Variants in MACF1 observed in about 807,000 individuals in gnomAD.
MACF1 encodes microtubule actin crosslinking factor 1, also known as microtubule-actin cross-linking factor 1.
MACF1 carries 193 observed loss-of-function variants against 854.8 expected under a neutral mutation model. The ratio of observed to expected loss-of-function variants is 0.23; its 90% confidence interval spans 0.20 to 0.25. MACF1 has a LOEUF of 0.25. Ranked by LOEUF, MACF1 falls within the 10% of genes least tolerant of loss-of-function variation. The pLI is 1.00. For missense variants in MACF1, 7,722 were observed against 8,929.1 expected (o/e 0.86, Z 5.45); for synonymous variants, 3,185 against 3,226.7 (o/e 0.99, Z 0.44).
chr1:39,155,041 A>G (rs1643655807), intron 2 of MACF1, among the ~76,000 whole-genome samples: 1 of 152,134 alleles, frequency 6.6e-6, no homozygotes. Context: ...GACCCATTGG[A>G]GGATAAAAGA....
rs1644514879 is a variant in MACF1 at position 39,459,733 on chromosome 1, G to A, written c.21360+484G>A. On this transcript the variant is annotated intron_variant, in intron 91 of 100. Coordinates refer to ENST00000564288, the MANE Select transcript of MACF1 (RefSeq NM_001394062.1). ...CTCTATTTTGAAGTGTCATTACCCAGTATAAAAAATATAGTACTATGCTTC... is the reference window on the plus strand; with the variant it reads ...CTCTATTTTGAAGTGTCATTACCCAATATAAAAAATATAGTACTATGCTTC... 3 of 869,114 alleles carry A rather than the reference G, an allele frequency of 3.5e-6. No individual in the cohort carries two copies. The Admixed American group carries it at 9.1e-5, about 26-fold the overall frequency. The allele number at this position is 869,114 out of a possible 1,614,324, so 53.8% of individuals were successfully genotyped here. A position where few individuals can be genotyped will look rare whatever the true frequency, so the allele number is the denominator to read the frequency against.
In MACF1 at chr1:39,409,101, C is replaced by T. The variant is rs1167159396; in HGVS notation, c.15817-13273C>T. ...CACTTCCAGCGAGCTAGCGAGCTAGCGGGTCGCGCTGCGCGGGGGAGGAGG... is the reference window on the plus strand; with the variant it reads ...CACTTCCAGCGAGCTAGCGAGCTAGTGGGTCGCGCTGCGCGGGGGAGGAGG... On this transcript the variant is annotated intron_variant, in intron 58 of 100. Coordinates refer to ENST00000564288, the MANE Select transcript of MACF1 (RefSeq NM_001394062.1). The surrounding 1 kb of genome is among the most constrained non-coding windows in gnomAD (Gnocchi z 4.2). 6.6e-6 allele frequency among the ~76,000 whole-genome samples: 1 copy of T among 151,870 alleles called. No individual in the cohort carries two copies. Among genetic ancestry groups the T allele is most frequent in the Non-Finnish European group, 1.5e-5 (1 of 67,920 alleles).
In MACF1 at chr1:39,293,633, A is replaced by C. The variant is rs1427493720; in HGVS notation, c.2154+14A>C. 6.2e-7 allele frequency: 1 copy of C among 1,605,580 alleles called. No individual in the cohort carries two copies. The highest frequency in any genetic ancestry group is 8.5e-7 in the Non-Finnish European group (1 of 1,175,042). ...AATTACTTCTCTGTGAGTCTAGCACAGTAGCAGGCCTGTCATACTTATTTA... is the reference window on the plus strand; with the variant it reads ...AATTACTTCTCTGTGAGTCTAGCACCGTAGCAGGCCTGTCATACTTATTTA... On this transcript the variant is annotated intron_variant, in intron 18 of 100. Coordinates refer to ENST00000564288, the MANE Select transcript of MACF1 (RefSeq NM_001394062.1).
chr1:39,114,830 C>T (rs1642506029), intron 2 of MACF1, among the ~76,000 whole-genome samples: 1 of 151,906 alleles, frequency 6.6e-6, no homozygotes, highest in Non-Finnish European at 1.5e-5. Context: ...CCCAGTATAG[C>T]CAGAGTGAGA....
At chr1:39,430,670 G>C in intron 65 of MACF1, 32 bp from the exon 66 acceptor site, 1 of 1,569,690 alleles carries the variant, frequency 6.4e-7, no homozygotes, top group South Asian at 1.1e-5. Context: ...TATTTAGCAA[G>C]GTATGGCCTG....
chr1:39,158,966 G>A (rs1287142829), intron 2 of MACF1, among the ~76,000 whole-genome samples: 1 of 152,086 alleles, frequency 6.6e-6, no homozygotes, highest in Non-Finnish European at 1.5e-5. Flanking sequence ...AACTGGGCCG[G>A]GCATGAACGC....
chr1:39,109,569 C>T (rs1333401590), intron 2 of MACF1, among the ~76,000 whole-genome samples: 3 of 152,022 alleles, frequency 2.0e-5, no homozygotes, highest in Non-Finnish European at 4.4e-5. Context: ...GCCATTGCAC[C>T]TGGCCTATTT....
chr1:39,123,130 G>A (rs1419839141), intron 2 of MACF1, among the ~76,000 whole-genome samples: 2 of 151,704 alleles, frequency 1.3e-5, no homozygotes, highest in African/African-American at 2.4e-5. Context: ...AAGCAGAATA[G>A]CATAACTTGG....
rs201933963 is a variant in MACF1, at chr1:39,454,887, T to C, written c.20887-22T>C. ...GGGTATGCTTGACTGAAAGAGGCCATGGTTTCCTTCTTTTTCCACAGGTCC... is the reference window on the plus strand; with the variant it reads ...GGGTATGCTTGACTGAAAGAGGCCACGGTTTCCTTCTTTTTCCACAGGTCC... On this transcript the variant is annotated intron_variant, in intron 88 of 100. Transcript: ENST00000564288. 22 of 1,598,848 alleles carry C rather than the reference T, an allele frequency of 1.4e-5. No homozygotes were observed. In the East Asian group the frequency reaches 4.0e-4, roughly 29 times the overall value.
At chr1:39,266,253 A>G (rs923544893) in intron 6 of MACF1, among the ~76,000 whole-genome samples, 13 of 152,366 alleles carry the variant, frequency 8.5e-5, no homozygotes, top group African/African-American at 2.9e-4. Flanking sequence ...ATAAAATTCA[A>G]GTGCATCTTA....
chr1:39,227,144 G>A (rs1330809676), intron 1 of MACF1, among the ~76,000 whole-genome samples: 2 of 152,160 alleles, frequency 1.3e-5, no homozygotes, highest in Non-Finnish European at 2.9e-5. Flanking sequence ...AAACTCCCAG[G>A]CTCAAGTGAT....
chr1:39,309,721 G>C, intron 24 of MACF1, 25 bp downstream of exon 24: 1 of 1,595,686 alleles, frequency 6.3e-7, no homozygotes, highest in Non-Finnish European at 8.5e-7. Context: ...CTTACCCCAG[G>C]CTTACATTCC....
chr1:39,182,881 T>A (rs921132741), intron 2 of MACF1, among the ~76,000 whole-genome samples: 2 of 152,174 alleles, frequency 1.3e-5, no homozygotes, highest in African/African-American at 4.8e-5. Flanking sequence ...AGAAAACATA[T>A]ATTCATAGAA....
intron 23 of MACF1, among the ~76,000 whole-genome samples, chr1:39,303,937 G>A (rs1023084684): frequency 4.6e-5 from 7 of 150,678 alleles, no homozygotes; most frequent in African/African-American, 1.7e-4. Context: ...TATTATAAAA[G>A]AGATATGGAA....
chr1:39,445,622 AT>A (rs1644211835), intron 80 of MACF1, among the ~76,000 whole-genome samples: 1 of 152,224 alleles, frequency 6.6e-6, no homozygotes, highest in Non-Finnish European at 1.5e-5. Context: ...GGATTGGGTA[AT>A]TTGATTATAT....
intron 93 of MACF1, among the ~76,000 whole-genome samples, chr1:39,463,173 A>G (rs1644587435): frequency 2.6e-5 from 4 of 152,212 alleles, no homozygotes; most frequent in Admixed American, 2.6e-4. Flanking sequence ...TGTATATGTC[A>G]AAAGCCTGAA....
At chr1:39,296,776 G>GGAAGGAAGGAAGGAAGGAAGGAAGGA (rs1294687903) in intron 20 of MACF1, among the ~76,000 whole-genome samples, 1 of 81,374 alleles carries the variant, frequency 1.2e-5, no homozygotes, top group African/African-American at 5.6e-5. Flanking sequence ...GGAAGGAAAA[G>GGAAGGAAGGAAGGAAGGAAGGAAGGA]AAAGAAAGAA....
At position 39,350,938 on chromosome 1, in the gene MACF1, G is replaced by T. The variant is rs201477943; in HGVS notation, c.11119G>T (p.Ala3707Ser). The T allele has an allele frequency of 3.7e-4, 595 of 1,614,020 alleles. No homozygotes were observed. The highest frequency in any genetic ancestry group is 4.8e-4 in the Non-Finnish European group (571 of 1,180,000). Residue 3707 changes from alanine (A) to serine (S), a missense_variant, in exon 43 of 101, where the codon GCG becomes TCG. Around this residue, in one of 15 missense-constraint regions of MACF1, gnomAD observed 2,807 missense variants for 3,235.8 expected, o/e 0.87. Transcript: ENST00000564288. Reference sequence around the variant, plus strand: ...TCATCAGGCTAAGGAGCAATATGAGGCGCTCCAGGAAGAGACACGTGTGGC... The same window carrying T: ...TCATCAGGCTAAGGAGCAATATGAGTCGCTCCAGGAAGAGACACGTGTGGC... The part of the protein sequence containing the change: ...KLHQAKEQYE[A>S]LQEETRVAQK...
chr1:39,102,212 AAAGAG>A (rs1557453855), intron 2 of MACF1, among the ~76,000 whole-genome samples: 13 of 150,180 alleles, frequency 8.7e-5, no homozygotes, highest in Non-Finnish European at 1.6e-4. Context: ...AGAGAGAGAG[AAAGAG>A]AGAGAGAAAG....
Sources: allele counts gnomAD v4.1 joint callset (sites outside exome capture counted in the v4.1 genomes callset), GRCh38; gene constraint gnomAD v4.1.1; regional missense constraint gnomAD v4.1.1; non-coding constraint Gnocchi (gnomAD v3.1); transcripts MANE v1.5; gene names NCBI Gene and HGNC (gene_info 2026-07-23, HGNC 2026-07-21).